Variants in CHORDC1 observed in about 807,000 individuals in gnomAD.
CHORDC1 encodes the protein cysteine and histidine-rich domain-containing protein 1.
CHORDC1 carries 25 observed loss-of-function variants against 48.3 expected under a neutral mutation model. The ratio of observed to expected loss-of-function variants is 0.52; its 90% CI spans 0.38 to 0.72. CHORDC1 has a LOEUF of 0.72. Among genes scored for constraint, CHORDC1 ranks in the 30% least tolerant of loss-of-function variants. CHORDC1 has a pLI of 0.00. For synonymous variants in CHORDC1, 128 were observed against 126.4 expected, an observed-to-expected ratio of 1.01 and a Z score of -0.09; for missense variants, 317 against 388.7, an observed-to-expected ratio of 0.82 and a Z score of 1.55.
chr11:90,219,501 C>T (rs977169287), intron 1 of CHORDC1, among the ~76,000 whole-genome samples: 8 of 152,292 alleles, frequency 5.3e-5, no homozygotes, highest in African/African-American at 1.9e-4. Flanking sequence ...GCTTTGATGC[C>T]CAGGCTAGAA....
chr11:90,205,722 A>G (rs1857662444), intron 7 of CHORDC1, 157 bp from the exon 8 acceptor site: 2 of 585,308 alleles, frequency 3.4e-6, no homozygotes, highest in South Asian at 2.3e-5. Context: ...TGTACAGTAT[A>G]TCAGGAAGAA....
Position 90,214,178 on chromosome 11 carries a change from G to T in CHORDC1, c.172-3C>A. On this transcript the variant is annotated splice_region_variant and splice_polypyrimidine_tract_variant and intron_variant, in intron 3 of 10. Transcript: ENST00000320585. ...TTATGTCTACCTTTTGTACAGCCCT[G>T]TTAGTGAAAGATAATTCATTAAGAG... The T allele has an allele frequency of 6.3e-7, 1 of 1,587,736 alleles. No individual in the cohort carries two copies. The highest frequency in any genetic ancestry group is 8.6e-7 in the Non-Finnish European group (1 of 1,169,138).
At chr11:90,216,605 A>G (rs1028287071) in intron 2 of CHORDC1, 3 of 413,712 alleles carry the variant, frequency 7.3e-6, no homozygotes, top group South Asian at 5.3e-5. Flanking sequence ...ACAACTGCAA[A>G]AGAGAGAGAA....
intron 4 of CHORDC1, chr11:90,212,049 G>C (rs927541423): frequency 3.3e-5 from 5 of 152,142 alleles, no homozygotes; most frequent in African/African-American, 1.2e-4. Flanking sequence ...CAACACTTTG[G>C]GAGGCTGAGG....
At position 90,221,066 on chromosome 11, in the gene CHORDC1, A is replaced by T. The variant is rs146497669; in HGVS notation, c.64+1825T>A. Among the ~76,000 whole-genome samples, 1,184 of 152,288 alleles carry T rather than the reference A, an allele frequency of 7.8e-3. 12 individuals carry two copies. Among genetic ancestry groups the T allele is most frequent in the African/African-American group, 0.027 (1,132 of 41,542 alleles). ...AAAATCATGAGACTATAAGTCAACG[A>T]GCACGGTAATTATGCCACAGCACCG... On this transcript the variant is annotated intron_variant, in intron 1 of 10. Coordinates refer to ENST00000320585, the MANE Select transcript of CHORDC1 (RefSeq NM_012124.3).
chr11:90,218,050 A>G lies in CHORDC1; in HGVS notation c.114+85T>C, dbSNP rs77508443. 598 of 1,025,498 alleles carry G rather than the reference A, an allele frequency of 5.8e-4. 1 individual carries two copies. The African/African-American group carries it at 9.2e-3, about 16-fold the overall frequency. The allele number at this position is 1,025,498 out of a possible 1,614,324, so 63.5% of individuals were successfully genotyped here. On this transcript the variant is annotated intron_variant, in intron 2 of 10. Coordinates refer to ENST00000320585, the MANE Select transcript of CHORDC1 (RefSeq NM_012124.3). The stretch of plus-strand genomic sequence containing the variant: ...ATTAAGAAGAAAGTCACTAGCTGAG[A>G]AAAAAAGATGAGAAAATAAAGATTT...
At chr11:90,205,924 TTAGCCCAAA>T (rs1255938207) in intron 7 of CHORDC1, 3 of 472,728 alleles carry the variant, frequency 6.3e-6, no homozygotes, top group African/African-American at 5.9e-5. Context: ...AACAAAACAT[TTAGCCCAAA>T]TAGCATCACT....
At chr11:90,216,625 C>A in intron 2 of CHORDC1, 1 of 397,140 alleles carries the variant, frequency 2.5e-6, no homozygotes, top group Non-Finnish European at 4.9e-6. Flanking sequence ...AGCAAAAATA[C>A]TTCAAAGTGA....
At chr11:90,217,414 G>T (rs1314145665) in intron 2 of CHORDC1, among the ~76,000 whole-genome samples, 1 of 152,102 alleles carries the variant, frequency 6.6e-6, no homozygotes, top group South Asian at 2.1e-4. Flanking sequence ...CAAAAACCTA[G>T]TCAAACAACA....
rs758463040 is a variant in CHORDC1 at position 90,205,464 on chromosome 11, T to C, written c.665A>G (p.Asp222Gly). The change falls in exon 8 of 11, where the codon GAT becomes GGT. Residue 222 changes from aspartate (D) to glycine (G), a missense_variant. Physicochemically the swap from Asp to Gly is moderately conservative, Grantham distance 94. Coordinates refer to ENST00000320585, the MANE Select transcript of CHORDC1 (RefSeq NM_012124.3). ...ATTTTTGGAAGAGTTACTTACAGCA[T>C]CTTTTTTAGTCCACATGTGTTTCCC... ...TKGKHMWTKK[D>G]AGKKVVPCRH... 6.3e-7 allele frequency: 1 copy of C among 1,577,122 alleles called. No homozygotes were observed. Among genetic ancestry groups the C allele is most frequent in the Non-Finnish European group, 8.7e-7 (1 of 1,152,758 alleles).
intron 1 of CHORDC1, among the ~76,000 whole-genome samples, chr11:90,218,970 AAAAAT>A (rs1293905494): frequency 1.3e-5 from 2 of 152,008 alleles, no homozygotes; most frequent in Non-Finnish European, 2.9e-5. Context: ...AAAAAAAAAA[AAAAAT>A]AGAAGTCTAG....
chr11:90,213,351 A>T (rs74634939), intron 4 of CHORDC1: 4 of 637,728 alleles, frequency 6.3e-6, no homozygotes, highest in South Asian at 1.8e-5. Context: ...AAAAAAAAAA[A>T]TCACCTTTTT....
At chr11:90,222,689 G>A (rs1309098650) in intron 1 of CHORDC1, 2 of 700,434 alleles carry the variant, frequency 2.9e-6, no homozygotes, top group South Asian at 1.5e-5. Flanking sequence ...AGGCGCCGGG[G>A]CCGGGCGCTC....
intron 1 of CHORDC1, among the ~76,000 whole-genome samples, chr11:90,220,535 G>A (rs1274245617): frequency 1.3e-5 from 2 of 152,114 alleles, no homozygotes; most frequent in Admixed American, 6.5e-5. Flanking sequence ...ATGTATAACA[G>A]AGTCAGAGGC....
rs927691750 is a variant in CHORDC1 at position 90,223,048 on chromosome 11, C to A, written c.-94G>T. 1.6e-5 allele frequency: 17 copies of A among 1,091,888 alleles called. No individual in the cohort carries two copies. The highest frequency in any genetic ancestry group is 2.3e-5 in the Non-Finnish European group (17 of 737,068). The allele number at this position is 1,091,888 out of a possible 1,614,324, so 67.6% of individuals were successfully genotyped here. ...CGTGTCGCTAGCACCGGTCTGACGA[C>A]TGAGGCGGCTACCGGCTTCCGGAAA... On this transcript the variant is annotated 5_prime_UTR_variant, in exon 1 of 11. Transcript: ENST00000320585.
chr11:90,205,363 T>C, intron 8 of CHORDC1, 97 bp downstream of exon 8: 1 of 851,194 alleles, frequency 1.2e-6, no homozygotes, highest in Non-Finnish European at 1.9e-6. Context: ...AAAAGAAAAC[T>C]TTTTTTTAAA....
chr11:90,218,312 A>C (rs1242826188), intron 1 of CHORDC1, 128 bp from the exon 2 acceptor site: 1 of 620,174 alleles, frequency 1.6e-6, no homozygotes, highest in Non-Finnish European at 2.7e-6. Context: ...AAAAGGTACA[A>C]ATGATTGAGT....
rs1431967234 is a variant in CHORDC1 at position 90,200,685 on chromosome 11, T to G, written c.*1720A>C. On this transcript the variant is annotated 3_prime_UTR_variant, in exon 11 of 11. Coordinates refer to ENST00000320585, the MANE Select transcript of CHORDC1 (RefSeq NM_012124.3). ...GTGTATAAATCAATGTTTTGATCAATGTAACTAATCTGAGGTTACAATAAC... is the reference window on the plus strand; with the variant it reads ...GTGTATAAATCAATGTTTTGATCAAGGTAACTAATCTGAGGTTACAATAAC... 3.9e-5 allele frequency among the ~76,000 whole-genome samples: 6 copies of G among 152,052 alleles called. No homozygotes were observed. The highest frequency in any genetic ancestry group is 1.9e-4 in the East Asian group (1 of 5,172).
chr11:90,207,062 AT>A, intron 6 of CHORDC1: 1 of 290,236 alleles, frequency 3.4e-6, no homozygotes, highest in Non-Finnish European at 6.8e-6. Flanking sequence ...TCCCCATATT[AT>A]TTGATGGCAC....
Sources: allele counts gnomAD v4.1 joint callset (sites outside exome capture counted in the v4.1 genomes callset), GRCh38; gene constraint gnomAD v4.1.1; transcripts MANE v1.5; gene names NCBI Gene and HGNC (gene_info 2026-07-23, HGNC 2026-07-21).